PCCB: variants seen among roughly 807,000 people sequenced by gnomAD.
PCCB encodes the protein propionyl-CoA carboxylase subunit beta, also known as propionyl-CoA carboxylase beta chain, mitochondrial.
PCCB carries 43 observed loss-of-function variants against 60.7 expected under a neutral mutation model. The ratio of observed to expected loss-of-function variants is 0.71; its 90% CI spans 0.55 to 0.91. PCCB has a LOEUF of 0.91. Among genes scored for constraint, PCCB ranks in the 40% least tolerant of loss-of-function variants. The pLI is 0.00. For missense variants in PCCB, 766 were observed against 702.8 expected, an observed-to-expected ratio of 1.09 and a Z score of -1.02; for synonymous variants, 276 against 255.9, an observed-to-expected ratio of 1.08 and a Z score of -0.75.
At chr3:136,292,876 G>T (rs1933762793) in intron 6 of PCCB, among the ~76,000 whole-genome samples, 1 of 152,058 alleles carries the variant, frequency 6.6e-6, no homozygotes, top group African/African-American at 2.4e-5. Flanking sequence ...TGGAAGTAAG[G>T]GCTGGGCTGT....
chr3:136,300,793 C>T (rs538928968), intron 8 of PCCB, among the ~76,000 whole-genome samples: 2 of 152,252 alleles, frequency 1.3e-5, no homozygotes, highest in East Asian at 3.9e-4. Flanking sequence ...GAGGAATAAA[C>T]TCATTTTTTC....
chr3:136,321,465 C>G (rs1325001776), intron 10 of PCCB, among the ~76,000 whole-genome samples: 1 of 152,200 alleles, frequency 6.6e-6, no homozygotes, highest in Non-Finnish European at 1.5e-5. Flanking sequence ...AGGAAACTTA[C>G]AATCATGGTG....
At chr3:136,259,191 G>T in intron 3 of PCCB, 1 of 1,449,090 alleles carries the variant, frequency 6.9e-7, no homozygotes, top group Admixed American at 2.3e-5. Context: ...AATAGGCTGG[G>T]CACAGTGGCT....
chr3:136,286,197 A>G (rs1376043972), intron 6 of PCCB, among the ~76,000 whole-genome samples: 3 of 152,252 alleles, frequency 2.0e-5, no homozygotes, highest in Non-Finnish European at 1.5e-5. Context: ...TTCTAAGCAG[A>G]GTCACTGATA....
chr3:136,317,488 G>A (rs888636095), intron 10 of PCCB, among the ~76,000 whole-genome samples: 12 of 151,694 alleles, frequency 7.9e-5, no homozygotes, highest in South Asian at 2.1e-4. Context: ...CTCAGCCTCC[G>A]AAAGCGCTGG....
At chr3:136,260,372 C>T (rs1055304073) in intron 3 of PCCB, 107 bp from the exon 4 acceptor site, 14 of 927,994 alleles carry the variant, frequency 1.5e-5, no homozygotes, top group Non-Finnish European at 2.2e-5. Context: ...GCCACCACGC[C>T]TGGCCTAAAA....
At chr3:136,273,730 G>A (rs1942266674) in intron 5 of PCCB, among the ~76,000 whole-genome samples, 2 of 148,930 alleles carry the variant, frequency 1.3e-5, no homozygotes, top group Admixed American at 1.3e-4. Flanking sequence ...GGCTAACACG[G>A]TGAAACCCTG....
chr3:136,254,865 C>T (rs1483441341), intron 1 of PCCB, among the ~76,000 whole-genome samples: 1 of 150,360 alleles, frequency 6.7e-6, no homozygotes, highest in Non-Finnish European at 1.5e-5. Context: ...CTGACCTCAT[C>T]TCCTCAAAGA....
At chr3:136,310,053 G>A (rs543974051) in intron 9 of PCCB, among the ~76,000 whole-genome samples, 31 of 151,828 alleles carry the variant, frequency 2.0e-4, no homozygotes, top group South Asian at 4.2e-4. Flanking sequence ...GCAACATGAC[G>A]AAACTCTGTC....
intron 5 of PCCB, among the ~76,000 whole-genome samples, chr3:136,279,348 T>G (rs556617343): frequency 2.6e-5 from 4 of 152,348 alleles, no homozygotes; most frequent in Admixed American, 2.6e-4. Context: ...TGTGTTTTGG[T>G]TTTTTATGCC....
intron 5 of PCCB, among the ~76,000 whole-genome samples, chr3:136,279,675 A>T (rs139337762): frequency 2.6e-4 from 40 of 151,706 alleles, no homozygotes; most frequent in Admixed American, 9.8e-4. Context: ...TTATTTATTT[A>T]TTTATTTTTT....
intron 5 of PCCB, among the ~76,000 whole-genome samples, chr3:136,283,045 A>C (rs1485619938): frequency 6.6e-6 from 1 of 152,216 alleles, no homozygotes. Flanking sequence ...ATATCTTTGC[A>C]GAAAGCATAG....
chr3:136,278,025 A>G (rs1445643666), intron 5 of PCCB, among the ~76,000 whole-genome samples: 1 of 152,090 alleles, frequency 6.6e-6, no homozygotes, highest in Non-Finnish European at 1.5e-5. Flanking sequence ...GATTCTTTCA[A>G]CCTGCGACCA....
chr3:136,255,622 T>G, intron 1 of PCCB: 1 of 553,870 alleles, frequency 1.8e-6, no homozygotes, highest in Non-Finnish European at 3.3e-6. Context: ...TCCTATTTCC[T>G]TATTCATCTT....
At chr3:136,259,066 G>C in intron 3 of PCCB, 1 of 999,314 alleles carries the variant, frequency 1.0e-6, no homozygotes, top group Non-Finnish European at 1.3e-6. Flanking sequence ...GGTTTTAGGA[G>C]AGGTTATGCC....
chr3:136,251,708 C>T (rs576978423), intron 1 of PCCB, among the ~76,000 whole-genome samples: 1 of 152,182 alleles, frequency 6.6e-6, no homozygotes, highest in East Asian at 1.9e-4. Context: ...TGTCAGTGCT[C>T]CTGTACACTC....
rs753174948 is a variant in PCCB at position 136,250,395 on chromosome 3, T to A, written c.20T>A (p.Val7Glu). 11 of 1,536,656 alleles carry A rather than the reference T, an allele frequency of 7.2e-6. No homozygotes were observed. Among genetic ancestry groups the A allele is most frequent in the African/African-American group, 1.4e-5 (1 of 72,810 alleles). MAAALR[V>E]AAVGARLSVL... ...GCAAAAATGGCGGCGGCATTACGGG[T>A]GGCGGCGGTCGGGGCAAGGCTCAGC... Residue 7 changes from valine to glutamate, a missense_variant, in exon 1 of 15, where the codon GTG becomes GAG. Val to Glu is a moderately radical substitution (Grantham distance 121, BLOSUM62 -2). Transcript: ENST00000251654.
intron 9 of PCCB, 128 bp from the exon 10 acceptor site, chr3:136,316,813 C>G (rs1407144681): frequency 9.4e-7 from 1 of 1,065,728 alleles, no homozygotes; most frequent in African/African-American, 1.6e-5. Flanking sequence ...CTTGGAGAAC[C>G]TGTGATAGAG....
At chr3:136,280,474 T>C (rs1321353429) in intron 5 of PCCB, among the ~76,000 whole-genome samples, 1 of 152,048 alleles carries the variant, frequency 6.6e-6, no homozygotes, top group African/African-American at 2.4e-5. Flanking sequence ...GCCTCCTGAG[T>C]AGCTGGGGCC....
Sources: gnomAD v4.1 joint callset for allele counts (sites outside exome capture counted in the v4.1 genomes callset) on GRCh38, gnomAD v4.1.1 for gene constraint, MANE v1.5 for transcripts, NCBI Gene and HGNC (gene_info 2026-07-23, HGNC 2026-07-21) for gene names.